The following TMEM63A variants were observed in gnomAD, a reference collection of about 807,000 sequenced individuals.
TMEM63A encodes the protein transmembrane protein 63A, also known as mechanosensitive cation channel TMEM63A.
In TMEM63A, 76 loss-of-function variants were observed where a neutral mutation model predicts 100.6. That is an observed-to-expected ratio of 0.76 (90% confidence interval 0.63 to 0.91). The LOEUF is 0.91. Among genes scored for constraint, TMEM63A ranks in the 40% least tolerant of loss-of-function variants. The probability of loss-of-function intolerance (pLI) is 0.00; values close to 1 mark genes in which losing one functional copy is unlikely to be tolerated. For missense variants in TMEM63A, 876 were observed against 1,008.8 expected (o/e 0.87, Z 1.78); for synonymous variants, 401 against 401.1 (o/e 1.00, Z 0.00).
intron 15 of TMEM63A, 48 bp from the exon 16 acceptor site, chr1:225,857,065 C>A: frequency 1.3e-6 from 2 of 1,490,424 alleles, no homozygotes; most frequent in Non-Finnish European, 1.8e-6. Context: ...CCGTGGGCCA[C>A]GCGGCTCTGA....
Position 225,855,955 on chromosome 1 carries a change from A to G in TMEM63A, c.1572-15T>C. 1 of 1,613,542 alleles carries G rather than the reference A, an allele frequency of 6.2e-7. No individual in the cohort carries two copies. Among genetic ancestry groups the G allele is most frequent in the Non-Finnish European group, 8.5e-7 (1 of 1,179,730 alleles). On this transcript the variant is annotated splice_polypyrimidine_tract_variant and intron_variant, in intron 17 of 24. Coordinates refer to ENST00000366835, the MANE Select transcript of TMEM63A (RefSeq NM_014698.3). ...AAAAATCTAGACTGAAAAACAAAGG[A>G]ACCCCCTAAGAGTTTATTTCCAGCA...
rs748721516 is a variant in TMEM63A, at chr1:225,847,190, G to A, written c.2274C>T (p.Asn758=). The part of the protein sequence containing the change: ...PFTPYVPRIL[N]GLASERTALS... Reference sequence around the variant, plus strand: ...GTGCTGTCCTCTCCGAGGCCAAGCCGTTCAGAATCCGAGGCACGTAGGGCT... The same window carrying A: ...GTGCTGTCCTCTCCGAGGCCAAGCCATTCAGAATCCGAGGCACGTAGGGCT... Residue 758 remains asparagine, a synonymous_variant, in exon 24 of 25, where the codon AAC becomes AAT. Transcript: ENST00000366835. 42 of 1,613,298 alleles carry A rather than the reference G, an allele frequency of 2.6e-5. No homozygotes were observed. The highest frequency in any genetic ancestry group is 3.3e-5 in the Non-Finnish European group (39 of 1,179,962).
At position 225,846,939 on chromosome 1, in the gene TMEM63A, CAGATGGGA is replaced by C; in HGVS notation, c.*7-15_*7-8del. 1 of 1,396,680 alleles carries C rather than the reference CAGATGGGA, an allele frequency of 7.2e-7. No individual in the cohort carries two copies. The highest frequency in any genetic ancestry group is 9.5e-7 in the Non-Finnish European group (1 of 1,051,236). 86.5% of individuals were successfully genotyped at this position (1,396,680 alleles called of 1,614,324 possible). On this transcript the variant is annotated splice_polypyrimidine_tract_variant and splice_region_variant and intron_variant, in intron 24 of 24. Transcript: ENST00000366835. ...CTTTTCAGAGCAGTGAGACCTAAAA[CAGATGGGA>C]AGAAGTCATGAACTTGGGAGTCAGG...
intron 13 of TMEM63A, chr1:225,861,960 A>G (rs1669961185): frequency 5.4e-6 from 3 of 560,004 alleles, no homozygotes; most frequent in Non-Finnish European, 9.5e-6. Context: ...CAGTGGGGCC[A>G]GGCCACATCA....
chr1:225,860,997 G>A lies in TMEM63A; in HGVS notation c.1086C>T (p.Tyr362=). The A allele has an allele frequency of 6.2e-7, 1 of 1,608,338 alleles. No individual in the cohort carries two copies. Among genetic ancestry groups the A allele is most frequent in the East Asian group, 2.2e-5 (1 of 44,714 alleles). The change falls in exon 14 of 25, where the codon TAC becomes TAT. Residue 362 remains tyrosine (Y), a splice_region_variant and synonymous_variant. Transcript: ENST00000366835. ...TGCAGGCATTGAAATCTTTCAGGAT[G>A]CTGCAAGGAAATGTAGCAACAGCCA... ...VTFQEKSMAT[Y]ILKDFNACKC...
chr1:225,844,450 C>A (rs1668738937), downstream of TMEM63A: 1 of 1,603,860 alleles, frequency 6.2e-7, no homozygotes, highest in South Asian at 1.1e-5. Flanking sequence ...CTTTGTCACA[C>A]AACTGCATGT....
intron 6 of TMEM63A, among the ~76,000 whole-genome samples, chr1:225,869,666 C>CTTTTCTTTTTTTTTTTTTTTTTTTT (rs76862516): frequency 9.1e-6 from 1 of 109,914 alleles, no homozygotes; most frequent in Non-Finnish European, 1.7e-5. Flanking sequence ...CTTTTCTTTT[C>CTTTTCTTTTTTTTTTTTTTTTTTTT]TTTTTTTTTT....
At chr1:225,880,066 G>A (rs1671013501) in intron 1 of TMEM63A, among the ~76,000 whole-genome samples, 1 of 152,142 alleles carries the variant, frequency 6.6e-6, no homozygotes, top group Admixed American at 6.5e-5. Flanking sequence ...ATGCCTCTAA[G>A]TTACTTGTCT....
chr1:225,856,021 C>G (rs1669594445), intron 17 of TMEM63A, 81 bp from the exon 18 acceptor site: 4 of 1,461,144 alleles, frequency 2.7e-6, no homozygotes, highest in Middle Eastern at 1.7e-4. Flanking sequence ...TTCTTTTGCT[C>G]TAAAAACAGG....
chr1:225,879,104 C>T (rs1372289813), intron 2 of TMEM63A, 116 bp downstream of exon 2: 1 of 152,218 alleles, frequency 6.6e-6, no homozygotes, highest in African/African-American at 2.4e-5. Flanking sequence ...ACCTCTGGAA[C>T]ACAGATGTTC....
chr1:225,871,633 C>A, intron 5 of TMEM63A: 1 of 298,496 alleles, frequency 3.4e-6, no homozygotes, highest in Non-Finnish European at 6.2e-6. Context: ...GCATCAGGCG[C>A]TGGGAAACAG....
chr1:225,859,838 G>C (rs2102616345), intron 14 of TMEM63A: 1 of 163,052 alleles, frequency 6.1e-6, no homozygotes, highest in Non-Finnish European at 1.4e-5. Flanking sequence ...GTAGAGACAG[G>C]GTTTCACCAT....
At chr1:225,856,606 A>AT (rs1559038462) in intron 17 of TMEM63A, 46 bp downstream of exon 17, 2 of 1,596,274 alleles carry the variant, frequency 1.3e-6, no homozygotes, top group Non-Finnish European at 1.7e-6. Flanking sequence ...TGCTCTCCTG[A>AT]TGTGACTCTT....
At chr1:225,855,855 G>C in intron 18 of TMEM63A, 23 bp downstream of exon 18, 4 of 1,613,250 alleles carry the variant, frequency 2.5e-6, no homozygotes, top group Non-Finnish European at 3.4e-6. Flanking sequence ...CATGGCTCCA[G>C]AACTCAACTT....
chr1:225,876,992 C>T (rs942084289), intron 3 of TMEM63A, among the ~76,000 whole-genome samples: 4 of 152,154 alleles, frequency 2.6e-5, no homozygotes, highest in Non-Finnish European at 4.4e-5. Context: ...CAGAGGGGAA[C>T]AGGAGGTGAC....
intron 23 of TMEM63A, among the ~76,000 whole-genome samples, chr1:225,847,883 G>T (rs1669099197): frequency 6.6e-6 from 1 of 152,232 alleles, no homozygotes; most frequent in Non-Finnish European, 1.5e-5. Flanking sequence ...GGTCGGCTCT[G>T]TCCTGGCCAC....
Position 225,874,268 on chromosome 1 carries a change from C to A in TMEM63A, c.266+20G>T, listed in dbSNP as rs200252388. On this transcript the variant is annotated intron_variant, in intron 4 of 24. Coordinates refer to ENST00000366835, the MANE Select transcript of TMEM63A (RefSeq NM_014698.3). ...CACGTACGCACACGCATGCTCACAG[C>A]CTAGGCGATATGTCTTTACCTGTCT... 1.2e-6 allele frequency: 2 copies of A among 1,611,726 alleles called. No individual in the cohort carries two copies. The highest frequency in any genetic ancestry group is 1.1e-5 in the South Asian group (1 of 90,718).
intron 23 of TMEM63A, 160 bp downstream of exon 23, chr1:225,848,332 G>A: frequency 1.5e-6 from 1 of 683,564 alleles, no homozygotes. Flanking sequence ...AATACCCAGG[G>A]GGACCAGGAT....
Position 225,874,471 on chromosome 1 carries a change from T to C in TMEM63A, c.187-104A>G, listed in dbSNP as rs76789376. On this transcript the variant is annotated intron_variant, in intron 3 of 24. Coordinates refer to ENST00000366835, the MANE Select transcript of TMEM63A (RefSeq NM_014698.3). ...CCCACCTGCCCGCACTCAGCAGGGC[T>C]AGAAGGAAAACACCCAGGCCCAGAG... The C allele has an allele frequency of 8.0e-4, 777 of 968,362 alleles. 2 individuals are homozygous for C. The African/African-American group carries it at 0.011, about 14-fold the overall frequency. 60.0% of individuals were successfully genotyped at this position (968,362 alleles called of 1,614,324 possible).
Sources: gnomAD v4.1 joint callset for allele counts (sites outside exome capture counted in the v4.1 genomes callset) on GRCh38, gnomAD v4.1.1 for gene constraint, MANE v1.5 for transcripts, NCBI Gene and HGNC (gene_info 2026-07-23, HGNC 2026-07-21) for gene names.